The following PAM variants were observed in gnomAD, a reference collection of about 807,000 sequenced individuals.
The protein encoded by PAM is peptidyl-glycine alpha-amidating monooxygenase.
PAM carries 72 observed loss-of-function variants against 122.1 expected under a neutral mutation model. That is an observed-to-expected ratio of 0.59 (90% confidence interval 0.49 to 0.72). The LOEUF (loss-of-function observed/expected upper bound fraction) is 0.72. Ranked by LOEUF, PAM falls within the 30% of genes least tolerant of loss-of-function variation. The pLI is 0.00. For missense variants in PAM, 1,106 were observed against 1,183.7 expected (o/e 0.93, Z 0.96); for synonymous variants, 389 against 404.4 (o/e 0.96, Z 0.46).
At chr5:102,996,892 A>G (rs1775860422) in intron 16 of PAM, among the ~76,000 whole-genome samples, 1 of 152,060 alleles carries the variant, frequency 6.6e-6, no homozygotes, top group African/African-American at 2.4e-5. Flanking sequence ...ATATAAGTAG[A>G]GTGTTTTATC....
chr5:102,904,387 G>A (rs1055508771), intron 4 of PAM, among the ~76,000 whole-genome samples: 4 of 151,434 alleles, frequency 2.6e-5, no homozygotes, highest in Non-Finnish European at 4.4e-5. Context: ...TATTCCAGCA[G>A]GATAGGCACC....
intron 18 of PAM, among the ~76,000 whole-genome samples, 181 bp downstream of exon 18, chr5:103,005,407 G>C (rs577436961): frequency 6.6e-6 from 1 of 152,252 alleles, no homozygotes; most frequent in African/African-American, 2.4e-5. Flanking sequence ...CTATAGTCTG[G>C]GTGGCTTATA....
intron 1 of PAM, among the ~76,000 whole-genome samples, chr5:102,807,403 G>T (rs955047246): frequency 6.6e-6 from 1 of 152,190 alleles, no homozygotes; most frequent in African/African-American, 2.4e-5. Context: ...TTTAAAGGGA[G>T]ATTTAAATTA....
At chr5:102,913,885 A>C (rs1253617989) in intron 4 of PAM, 49 bp from the exon 5 acceptor site, 1 of 1,025,892 alleles carries the variant, frequency 9.7e-7, no homozygotes, top group Non-Finnish European at 1.6e-6. Context: ...ACTTTGGTGC[A>C]CAGAAGTGTA....
intron 5 of PAM, among the ~76,000 whole-genome samples, chr5:102,919,229 G>C (rs1015085135): frequency 1.3e-5 from 2 of 152,134 alleles, no homozygotes; most frequent in Non-Finnish European, 2.9e-5. Context: ...GGTTACAGCT[G>C]CTGATGAGAA....
chr5:102,946,937 A>G (rs747169643), intron 8 of PAM, 52 bp downstream of exon 8: 1 of 1,175,592 alleles, frequency 8.5e-7, no homozygotes, highest in Non-Finnish European at 1.3e-6. Flanking sequence ...ATCTTTGCGA[A>G]CTTAGAGTGG....
chr5:102,844,376 A>G (rs932970650), intron 1 of PAM, among the ~76,000 whole-genome samples: 1 of 152,214 alleles, frequency 6.6e-6, no homozygotes, highest in Non-Finnish European at 1.5e-5. Flanking sequence ...TTCCAACTGC[A>G]TGTGAGTCTA....
intron 1 of PAM, among the ~76,000 whole-genome samples, chr5:102,795,296 T>C (rs1365867454): frequency 6.6e-6 from 1 of 152,034 alleles, no homozygotes; most frequent in Non-Finnish European, 1.5e-5. Flanking sequence ...CTCTTTCTAC[T>C]GATGTCTTTC....
chr5:102,901,255 C>A, intron 3 of PAM, 101 bp from the exon 4 acceptor site: 2 of 679,180 alleles, frequency 2.9e-6, no homozygotes, highest in South Asian at 3.5e-5. Flanking sequence ...ACTACCCTCA[C>A]TGACTACTTT....
chr5:102,961,039 C>A, intron 13 of PAM, 119 bp from the exon 14 acceptor site: 1 of 478,108 alleles, frequency 2.1e-6, no homozygotes, highest in Non-Finnish European at 3.9e-6. Flanking sequence ...ATTCTTAATA[C>A]GGTAATAAGC....
chr5:102,878,337 C>T (rs1156256428), intron 3 of PAM, among the ~76,000 whole-genome samples: 1 of 152,102 alleles, frequency 6.6e-6, no homozygotes, highest in Non-Finnish European at 1.5e-5. Flanking sequence ...TGTGGTGATG[C>T]TGCTGTTAAC....
At chr5:103,006,301 C>G (rs1778952837) in intron 18 of PAM, among the ~76,000 whole-genome samples, 1 of 151,986 alleles carries the variant, frequency 6.6e-6, no homozygotes, top group East Asian at 1.9e-4. Flanking sequence ...CCTTAATCTT[C>G]TATAAATTGA....
At chr5:103,020,244 T>A (rs1476017773) in intron 23 of PAM, among the ~76,000 whole-genome samples, 4 of 152,056 alleles carry the variant, frequency 2.6e-5, no homozygotes, top group Admixed American at 2.6e-4. Flanking sequence ...GTGAAAAATA[T>A]CTTTGGTGGG....
intron 5 of PAM, among the ~76,000 whole-genome samples, chr5:102,919,227 C>T (rs1183330879): frequency 6.6e-6 from 1 of 152,018 alleles, no homozygotes; most frequent in East Asian, 1.9e-4. Flanking sequence ...AGGGTTACAG[C>T]TGCTGATGAG....
At chr5:102,810,972 C>G (rs1467405725) in intron 1 of PAM, among the ~76,000 whole-genome samples, 2 of 152,178 alleles carry the variant, frequency 1.3e-5, no homozygotes, top group African/African-American at 4.8e-5. Context: ...GTGCTTTACT[C>G]AGTTTTCTGT....
chr5:103,000,657 A>G (rs961051956), intron 16 of PAM, among the ~76,000 whole-genome samples: 1 of 152,230 alleles, frequency 6.6e-6, no homozygotes, highest in Admixed American at 6.5e-5. Context: ...GAGGAGCCTC[A>G]GGAAACTTAC....
At chr5:103,007,212 C>G (rs1300993272) in intron 19 of PAM, among the ~76,000 whole-genome samples, 1 of 151,706 alleles carries the variant, frequency 6.6e-6, no homozygotes, top group Non-Finnish European at 1.5e-5. Context: ...CACACACACA[C>G]ACACACACAC....
intron 7 of PAM, among the ~76,000 whole-genome samples, chr5:102,928,139 A>C (rs1201109198): frequency 6.6e-6 from 1 of 152,194 alleles, no homozygotes; most frequent in African/African-American, 2.4e-5. Flanking sequence ...GTAGCTCATC[A>C]TACTGGCGCA....
chr5:102,983,672 A>C (rs1156454602), intron 15 of PAM, among the ~76,000 whole-genome samples: 3 of 152,136 alleles, frequency 2.0e-5, no homozygotes, highest in Non-Finnish European at 4.4e-5. Flanking sequence ...AGATATCCAG[A>C]TAGAGGAATC....
Sources: gnomAD v4.1 joint callset for allele counts (sites outside exome capture counted in the v4.1 genomes callset) on GRCh38, gnomAD v4.1.1 for gene constraint, MANE v1.5 for transcripts, NCBI Gene and HGNC (gene_info 2026-07-23, HGNC 2026-07-21) for gene names.